The following NRG1 variants were observed in gnomAD, a reference collection of about 807,000 sequenced individuals.
NRG1 encodes pro-neuregulin-1, membrane-bound isoform.
Under a neutral mutation model 63.8 loss-of-function variants are expected in NRG1, and 18 were observed. That is an observed-to-expected ratio of 0.28 (90% CI 0.19 to 0.42). The LOEUF is 0.42. Among genes scored for constraint, NRG1 ranks in the 10% least tolerant of loss-of-function variants. The pLI is 1.00. For missense variants in NRG1, 762 were observed against 814.7 expected, an observed-to-expected ratio of 0.94 and a Z score of 0.79; for synonymous variants, 302 against 301.3, an observed-to-expected ratio of 1.00 and a Z score of -0.02.
intron 5 of NRG1, among the ~76,000 whole-genome samples, chr8:32,709,877 C>T (rs1817386059): frequency 6.6e-6 from 1 of 152,124 alleles, no homozygotes; most frequent in Admixed American, 6.5e-5. Flanking sequence ...ATGAAAATTA[C>T]ACAAATTAAC....
chr8:31,678,434 T>G (rs1368575505), intron 1 of NRG1, among the ~76,000 whole-genome samples: 2 of 152,104 alleles, frequency 1.3e-5, no homozygotes, highest in Non-Finnish European at 2.9e-5. Flanking sequence ...AGACCACCTT[T>G]GTGTCCATTG....
At chr8:31,786,613 G>T (rs1820198918) in intron 1 of NRG1, among the ~76,000 whole-genome samples, 1 of 152,128 alleles carries the variant, frequency 6.6e-6, no homozygotes. Flanking sequence ...TATAAATTGG[G>T]GTTCCCTCAA....
intron 1 of NRG1, among the ~76,000 whole-genome samples, chr8:31,904,783 A>C (rs2129615900): frequency 6.6e-6 from 1 of 152,206 alleles, no homozygotes; most frequent in Middle Eastern, 3.4e-3. Context: ...GAAACAGAAA[A>C]CCAAATGCTG....
chr8:32,565,895 G>A (rs1389515521), intron 1 of NRG1, among the ~76,000 whole-genome samples: 1 of 152,126 alleles, frequency 6.6e-6, no homozygotes, highest in Non-Finnish European at 1.5e-5. Flanking sequence ...CAAGGCATGG[G>A]ATAGAAGCAC....
chr8:32,614,896 C>T (rs150972269), intron 4 of NRG1, among the ~76,000 whole-genome samples: 1 of 152,178 alleles, frequency 6.6e-6, no homozygotes, highest in East Asian at 1.9e-4. Flanking sequence ...CTCTTAGCTG[C>T]CTTCTACTCT....
chr8:32,687,710 G>C (rs1227898666), intron 5 of NRG1, among the ~76,000 whole-genome samples: 1 of 152,180 alleles, frequency 6.6e-6, no homozygotes, highest in African/African-American at 2.4e-5. Flanking sequence ...GTAAAAGATA[G>C]AGTAAATGGT....
At chr8:32,206,071 T>A (rs1844032009) in intron 1 of NRG1, among the ~76,000 whole-genome samples, 1 of 152,218 alleles carries the variant, frequency 6.6e-6, no homozygotes, top group South Asian at 2.1e-4. Context: ...GCCACTGCAC[T>A]CCAGCCTGAA....
At chr8:32,771,821 G>C (rs1444717258), downstream of NRG1, among the ~76,000 whole-genome samples, 1 of 146,622 alleles carries the variant, frequency 6.8e-6, no homozygotes, top group African/African-American at 2.5e-5. Context: ...TCAGGAGTTT[G>C]AGACTGGCCT....
At chr8:31,968,581 A>G (rs1469851081) in intron 1 of NRG1, among the ~76,000 whole-genome samples, 3 of 152,136 alleles carry the variant, frequency 2.0e-5, no homozygotes, top group Non-Finnish European at 2.9e-5. Flanking sequence ...GACATGACAT[A>G]TAGTACCCCT....
chr8:32,045,104 A>G (rs905478055), intron 1 of NRG1, among the ~76,000 whole-genome samples: 1 of 151,762 alleles, frequency 6.6e-6, no homozygotes, highest in Non-Finnish European at 1.5e-5. Context: ...AAAACACACA[A>G]TATCAGAAAT....
At position 32,364,957 on chromosome 8, in the gene NRG1, C is replaced by CTTTTTTTTTTTTTTT. The variant is rs372216683; in HGVS notation, c.38-230866_38-230852dup. On this transcript the variant is annotated intron_variant, in intron 1 of 10. Coordinates refer to the NRG1 transcript ENST00000519301. Reference sequence around the variant, plus strand: ...TGAATAAAATGTACTCCCTTTACTACTTTTTTTTTTTTTTTTTTTGAGACA... The same window carrying CTTTTTTTTTTTTTTT: ...TGAATAAAATGTACTCCCTTTACTACTTTTTTTTTTTTTTTTTTTTTTTTTTTTTTTTTTGAGACA... 1.5e-3 allele frequency among the ~76,000 whole-genome samples: 159 copies of CTTTTTTTTTTTTTTT among 108,392 alleles called. 9 individuals are homozygous for CTTTTTTTTTTTTTTT. Among genetic ancestry groups the CTTTTTTTTTTTTTTT allele is most frequent in the Non-Finnish European group, 2.2e-3 (121 of 55,884 alleles). The allele number at this position is 108,392 out of a possible 152,430, so 71.1% of individuals were successfully genotyped here. A position where few individuals can be genotyped will look rare whatever the true frequency, so the allele number is the denominator to read the frequency against.
chr8:31,815,624 C>T (rs1056290002), intron 1 of NRG1, among the ~76,000 whole-genome samples: 2 of 152,142 alleles, frequency 1.3e-5, no homozygotes, highest in African/African-American at 2.4e-5. Flanking sequence ...TAGATTGCTG[C>T]ATCATATAAT....
At chr8:32,746,961 T>G (rs1385838346) in intron 7 of NRG1, among the ~76,000 whole-genome samples, 1 of 151,210 alleles carries the variant, frequency 6.6e-6, no homozygotes, top group Non-Finnish European at 1.5e-5. Flanking sequence ...CTAGTATGAC[T>G]GATGCATGTT....
chr8:31,690,957 G>A (rs543177881), intron 1 of NRG1, among the ~76,000 whole-genome samples: 4 of 152,238 alleles, frequency 2.6e-5, no homozygotes, highest in African/African-American at 7.2e-5. Flanking sequence ...AAATATGGGA[G>A]CCATCAGCAC....
chr8:31,670,212 A>G (rs549139754), intron 1 of NRG1, among the ~76,000 whole-genome samples: 5 of 152,266 alleles, frequency 3.3e-5, no homozygotes, highest in Admixed American at 2.0e-4. Flanking sequence ...TTTTTAGGAC[A>G]AAAACTTACT....
intron 5 of NRG1, among the ~76,000 whole-genome samples, chr8:32,619,082 C>T (rs1847876081): frequency 6.6e-6 from 1 of 152,062 alleles, no homozygotes; most frequent in Non-Finnish European, 1.5e-5. Flanking sequence ...GACTTGGTGG[C>T]ATGCACTTGT....
chr8:31,978,918 G>A (rs1403281719), intron 1 of NRG1, among the ~76,000 whole-genome samples: 1 of 152,146 alleles, frequency 6.6e-6, no homozygotes, highest in Non-Finnish European at 1.5e-5. Context: ...ACATTGGAAA[G>A]CAATGGGTTG....
chr8:31,812,854 TTTG>T (rs1264366030), intron 1 of NRG1, among the ~76,000 whole-genome samples: 1 of 152,198 alleles, frequency 6.6e-6, no homozygotes, highest in Non-Finnish European at 1.5e-5. Context: ...TAGCAATTAA[TTTG>T]TCTATTTATT....
intron 1 of NRG1, among the ~76,000 whole-genome samples, chr8:32,020,086 T>C (rs956319757): frequency 3.9e-5 from 6 of 152,146 alleles, no homozygotes; most frequent in Non-Finnish European, 7.4e-5. Context: ...CGTGGATGAG[T>C]TTAAGTTTGT....
Sources: gnomAD v4.1 joint callset for allele counts (sites outside exome capture counted in the v4.1 genomes callset) on GRCh38, gnomAD v4.1.1 for gene constraint, MANE v1.5 for transcripts, NCBI Gene and HGNC (gene_info 2026-07-23, HGNC 2026-07-21) for gene names.